The following DISC1 variants were observed in gnomAD, a reference collection of about 807,000 sequenced individuals.
DISC1 encodes disrupted in schizophrenia 1 protein.
DISC1 carries 57 observed loss-of-function variants against 84.5 expected under a neutral mutation model. The observed-to-expected ratio is 0.67, with a 90% CI of 0.55 to 0.84. DISC1 has a LOEUF of 0.84. DISC1 is among the 40% of genes least tolerant of loss of function. The pLI is 0.00. For synonymous variants in DISC1, 411 were observed against 415.2 expected (o/e 0.99, Z 0.12); for missense variants, 1,000 against 1,057.8 (o/e 0.95, Z 0.76).
At chr1:231,860,163 T>C (rs945704394) in intron 9 of DISC1, among the ~76,000 whole-genome samples, 12 of 152,192 alleles carry the variant, frequency 7.9e-5, no homozygotes, top group Admixed American at 6.5e-5. Flanking sequence ...TCTAAATAGT[T>C]TAGGGTTTTA....
intron 9 of DISC1, among the ~76,000 whole-genome samples, chr1:231,930,479 A>G (rs1378784226): frequency 6.6e-6 from 1 of 152,158 alleles, no homozygotes; most frequent in Non-Finnish European, 1.5e-5. Flanking sequence ...TTCACTTTGC[A>G]TTAAATGATG....
intron 3 of DISC1, among the ~76,000 whole-genome samples, chr1:231,712,515 GA>G (rs1181167039): frequency 3.3e-5 from 5 of 152,180 alleles, no homozygotes; most frequent in African/African-American, 9.6e-5. Flanking sequence ...ACTGAATAAA[GA>G]AAAAGGCCAC....
chr1:231,786,620 A>G (rs2077882552), intron 6 of DISC1, among the ~76,000 whole-genome samples: 1 of 152,184 alleles, frequency 6.6e-6, no homozygotes, highest in African/African-American at 2.4e-5. Flanking sequence ...AGGATATAAT[A>G]TTAAAGGGGT....
intron 9 of DISC1, among the ~76,000 whole-genome samples, chr1:231,871,311 G>C (rs2085444717): frequency 6.6e-6 from 1 of 152,224 alleles, no homozygotes; most frequent in Non-Finnish European, 1.5e-5. Context: ...TGGGAAGAGA[G>C]AATAGAAGGT....
intron 9 of DISC1, among the ~76,000 whole-genome samples, chr1:231,917,794 C>T (rs1245313129): frequency 2.0e-5 from 3 of 152,186 alleles, no homozygotes; most frequent in Non-Finnish European, 1.5e-5. Flanking sequence ...ATAATCTAGC[C>T]TCTTCTTTAT....
At chr1:231,717,033 A>C (rs1361946368) in intron 3 of DISC1, among the ~76,000 whole-genome samples, 1 of 152,134 alleles carries the variant, frequency 6.6e-6, no homozygotes, top group Non-Finnish European at 1.5e-5. Context: ...GGTTCCTTCC[A>C]GATTTAGCAA....
chr1:231,953,211 C>T (rs950685965), intron 9 of DISC1, among the ~76,000 whole-genome samples: 1 of 152,190 alleles, frequency 6.6e-6, no homozygotes, highest in Non-Finnish European at 1.5e-5. Flanking sequence ...CGCGTGTCCC[C>T]ACAGTGGGTC....
intron 4 of DISC1, among the ~76,000 whole-genome samples, chr1:231,761,653 T>C (rs908572834): frequency 2.6e-5 from 4 of 152,234 alleles, no homozygotes; most frequent in Non-Finnish European, 5.9e-5. Context: ...GTTGATTTCC[T>C]TCAATGACTC....
Position 231,795,305 on chromosome 1 carries a change from C to G in DISC1, c.1689+9C>G, listed in dbSNP as rs2078672499. On this transcript the variant is annotated intron_variant, in intron 7 of 12. Coordinates refer to ENST00000439617, the MANE Select transcript of DISC1 (RefSeq NM_018662.3). ...AAGAAATCACTACTAAGGTAAGTAC[C>G]TTTATATTCCCATTTTCCAAAGAAG... The G allele has an allele frequency of 1.2e-6, 2 of 1,608,864 alleles. No homozygotes were observed. The highest frequency in any genetic ancestry group is 1.7e-6 in the Non-Finnish European group (2 of 1,175,614).
At chr1:231,770,204 GC>G (rs1200341678) in intron 5 of DISC1, among the ~76,000 whole-genome samples, 1 of 152,100 alleles carries the variant, frequency 6.6e-6, no homozygotes, top group Non-Finnish European at 1.5e-5. Flanking sequence ...TTCATTACCT[GC>G]TGCTTGTTTA....
At chr1:231,713,845 T>C (rs2068294606) in intron 3 of DISC1, among the ~76,000 whole-genome samples, 1 of 134,414 alleles carries the variant, frequency 7.4e-6, no homozygotes, top group African/African-American at 2.6e-5. Context: ...ATAGGAGATA[T>C]ATATATATAT....
At chr1:231,762,209 TTTTCTC>T (rs1445252131) in intron 4 of DISC1, among the ~76,000 whole-genome samples, 10,223 of 31,372 alleles carry the variant, frequency 0.33, 583 homozygotes, top group East Asian at 0.54. Flanking sequence ...TTTTCTTTTC[TTTTCTC>T]TTCTTTTCTT....
chr1:231,906,421 A>C (rs2088646247), intron 9 of DISC1, among the ~76,000 whole-genome samples: 1 of 152,172 alleles, frequency 6.6e-6, no homozygotes, highest in East Asian at 1.9e-4. Flanking sequence ...CTATTACTGA[A>C]TTCACTCACA....
At chr1:231,733,116 G>GGTGATT (rs2071804658) in intron 3 of DISC1, among the ~76,000 whole-genome samples, 1 of 151,108 alleles carries the variant, frequency 6.6e-6, no homozygotes, top group Non-Finnish European at 1.5e-5. Flanking sequence ...TGGTGGTAGT[G>GGTGATT]GTAGGAGTGG....
intron 1 of DISC1, among the ~76,000 whole-genome samples, chr1:231,659,743 C>T (rs914447384): frequency 1.6e-4 from 25 of 152,174 alleles, no homozygotes; most frequent in Admixed American, 5.2e-4. Flanking sequence ...ACCCAAGAGT[C>T]ATTCAGGAGC....
At chr1:231,838,819 C>T (rs1394743164) in intron 9 of DISC1, among the ~76,000 whole-genome samples, 1 of 152,168 alleles carries the variant, frequency 6.6e-6, no homozygotes, top group East Asian at 1.9e-4. Context: ...CTTGTCACCG[C>T]CTGGCCTCTC....
intron 9 of DISC1, among the ~76,000 whole-genome samples, chr1:231,845,651 G>C (rs986321510): frequency 2.0e-5 from 3 of 152,138 alleles, no homozygotes; most frequent in Non-Finnish European, 4.4e-5. Flanking sequence ...GAGGAGAAAG[G>C]CAACTGGGTT....
chr1:231,971,742 A>T (rs1288253923), intron 10 of DISC1, among the ~76,000 whole-genome samples: 1 of 152,122 alleles, frequency 6.6e-6, no homozygotes, highest in Admixed American at 6.5e-5. Context: ...GTTGCTGCTG[A>T]TGTAAAGATG....
intron 9 of DISC1, among the ~76,000 whole-genome samples, chr1:231,927,905 A>T (rs1332518507): frequency 3.9e-5 from 6 of 152,204 alleles, no homozygotes; most frequent in African/African-American, 1.4e-4. Flanking sequence ...CTATAGTTCC[A>T]GAGGGCTGCC....
Sources: gnomAD v4.1 joint callset for allele counts (sites outside exome capture counted in the v4.1 genomes callset) on GRCh38, gnomAD v4.1.1 for gene constraint, MANE v1.5 for transcripts, NCBI Gene and HGNC (gene_info 2026-07-23, HGNC 2026-07-21) for gene names.